The following MICAL3 variants were observed in gnomAD, a reference collection of about 807,000 sequenced individuals.
MICAL3 encodes microtubule associated monooxygenase, calponin and LIM domain containing 3, also known as [F-actin]-monooxygenase MICAL3.
In MICAL3, 62 loss-of-function variants were observed where a neutral mutation model predicts 207.4. That is an observed-to-expected ratio of 0.30 (90% CI 0.24 to 0.37). The LOEUF is 0.37. Among genes scored for constraint, MICAL3 ranks in the 10% least tolerant of loss-of-function variants. MICAL3 has a pLI of 1.00. For missense variants in MICAL3, 2,368 were observed against 2,635.6 expected (o/e 0.90, Z 2.22); for synonymous variants, 1,077 against 1,069.3 (o/e 1.01, Z -0.14).
At chr22:17,800,630 C>A (rs890232139) in intron 29 of MICAL3, among the ~76,000 whole-genome samples, 9 of 152,154 alleles carry the variant, frequency 5.9e-5, no homozygotes, top group Admixed American at 4.6e-4. Context: ...AGGAGTCGGC[C>A]CCTCTGGACA....
intron 19 of MICAL3, among the ~76,000 whole-genome samples, chr22:17,859,951 T>G (rs1323580913): frequency 6.6e-6 from 1 of 152,182 alleles, no homozygotes; most frequent in Non-Finnish European, 1.5e-5. Flanking sequence ...CTCCAGCCCC[T>G]ACACAGGAGT....
intron 19 of MICAL3, chr22:17,862,511 C>T (rs112575747): frequency 1.9e-5 from 16 of 844,234 alleles, no homozygotes; most frequent in African/African-American, 5.5e-5. Context: ...CTGCCCGCCT[C>T]GGCCTCCCAA....
intron 1 of MICAL3, among the ~76,000 whole-genome samples, chr22:17,979,833 G>A (rs886639978): frequency 6.6e-6 from 1 of 151,468 alleles, no homozygotes; most frequent in Non-Finnish European, 1.5e-5. Flanking sequence ...GTTGTTTTTG[G>A]TTTTTTATAA....
At chr22:17,913,242 T>G (rs1473015530) in intron 1 of MICAL3, among the ~76,000 whole-genome samples, 1 of 152,140 alleles carries the variant, frequency 6.6e-6, no homozygotes, top group Non-Finnish European at 1.5e-5. Context: ...TAAATGTCTC[T>G]CTCCTCCATT....
intron 16 of MICAL3, among the ~76,000 whole-genome samples, chr22:17,883,333 T>C (rs1929598396): frequency 1.3e-5 from 2 of 152,234 alleles, no homozygotes; most frequent in South Asian, 4.1e-4. Context: ...ATGTGCTATA[T>C]TATCAAAGAA....
chr22:17,990,897 CT>C (rs1435069243), intron 1 of MICAL3, among the ~76,000 whole-genome samples: 1 of 152,220 alleles, frequency 6.6e-6, no homozygotes, highest in Non-Finnish European at 1.5e-5. Context: ...CCCTTGACCT[CT>C]TTTACTACTG....
chr22:17,828,214 T>C (rs1291055736), intron 21 of MICAL3, among the ~76,000 whole-genome samples: 1 of 152,176 alleles, frequency 6.6e-6, no homozygotes, highest in African/African-American at 2.4e-5. Flanking sequence ...GACCCCAGGA[T>C]GCACTATCCT....
chr22:17,818,069 T>G lies in MICAL3; in HGVS notation c.4592A>C (p.Asp1531Ala). 1 of 1,613,012 alleles carries G rather than the reference T, an allele frequency of 6.2e-7. No individual in the cohort carries two copies. The highest frequency in any genetic ancestry group is 8.5e-7 in the Non-Finnish European group (1 of 1,179,754). ...CAGGCTTGAGTCCTCAGTCTTGTCG[T>G]CATAGGTGTCCTCCACATCATCAGC... ...PFADDVEDTY[D>A]DKTEDSSLQE... Residue 1531 changes from aspartate (D) to alanine (A), a missense_variant, in exon 26 of 32, where the codon GAC (aspartate) becomes GCC (alanine). Asp to Ala is a moderately radical substitution (Grantham distance 126). Transcript: ENST00000441493.
intron 19 of MICAL3, among the ~76,000 whole-genome samples, chr22:17,854,174 T>C (rs1450777608): frequency 6.6e-6 from 1 of 152,114 alleles, no homozygotes; most frequent in African/African-American, 2.4e-5. Flanking sequence ...ATTTTTCCCC[T>C]GGGTCACTTG....
rs1413711391 is a variant in MICAL3 at position 17,902,583 on chromosome 22, C to G, written c.589+48G>C. ...TGCTCCCTCAATCTCATCTTCCTCA[C>G]CCATCAACACCCTCTCACGCCTTCT... On this transcript the variant is annotated intron_variant, in intron 4 of 31. Transcript: ENST00000441493. This position sits in a 1 kb window ranked among gnomAD's most constrained non-coding sequence, Gnocchi z 4.5. 2.6e-6 allele frequency: 3 copies of G among 1,142,962 alleles called. No homozygotes were observed. The East Asian group carries it at 7.7e-5, about 29-fold the overall frequency. 70.8% of individuals were successfully genotyped at this position (1,142,962 alleles called of 1,614,324 possible). A position where few individuals can be genotyped will look rare whatever the true frequency, so the allele number is the denominator to read the frequency against.
At chr22:17,877,513 G>GGGAGATTAT (rs1928916861) in intron 16 of MICAL3, among the ~76,000 whole-genome samples, 1 of 80,882 alleles carries the variant, frequency 1.2e-5, no homozygotes, top group Non-Finnish European at 2.5e-5. Flanking sequence ...ATGGAGGTTA[G>GGGAGATTAT]GGAGGTTAGG....
At position 17,868,778 on chromosome 22, in the gene MICAL3, C is replaced by G. The variant is rs1441716728; in HGVS notation, c.2429-2766G>C. 3.9e-5 allele frequency among the ~76,000 whole-genome samples: 6 copies of G among 152,118 alleles called. No homozygotes were observed. The East Asian group carries it at 1.2e-3, about 29-fold the overall frequency. ...TGGGCCGTTCATTCATTCATTCACC[C>G]AGGCCCGAGTGCCACTGTATGACAG... is the stretch of plus-strand genomic sequence containing the variant. On this transcript the variant is annotated intron_variant, in intron 17 of 31. Transcript: ENST00000441493.
At chr22:17,879,590 C>A (rs536237643) in intron 16 of MICAL3, among the ~76,000 whole-genome samples, 10 of 152,332 alleles carry the variant, frequency 6.6e-5, no homozygotes, top group African/African-American at 2.2e-4. Context: ...CGACTTTCTG[C>A]ACAGCCATTC....
chr22:17,803,936 TATGATATGGAGCAATCA>T (rs1422121226), intron 29 of MICAL3: 7 of 650,362 alleles, frequency 1.1e-5, no homozygotes, highest in Admixed American at 6.3e-5. Context: ...CAATCAATGA[TATGATATGGAGCAATCA>T]ATGATATGGA....
intron 20 of MICAL3, among the ~76,000 whole-genome samples, chr22:17,836,502 G>C (rs932376904): frequency 3.8e-4 from 58 of 152,192 alleles, no homozygotes; most frequent in Non-Finnish European, 8.8e-5. Flanking sequence ...AGTAGCCTCT[G>C]TCAGGGTGGC....
At chr22:17,884,851 G>C (rs183332113) in intron 16 of MICAL3, among the ~76,000 whole-genome samples, 100 of 152,242 alleles carry the variant, frequency 6.6e-4, no homozygotes, top group Middle Eastern at 6.8e-3. Flanking sequence ...GGCGTGCAAA[G>C]ACTAGATGTG....
At chr22:17,943,596 C>A (rs1933911662) in intron 1 of MICAL3, among the ~76,000 whole-genome samples, 1 of 152,332 alleles carries the variant, frequency 6.6e-6, no homozygotes, top group African/African-American at 2.4e-5. Flanking sequence ...ACTCAAGGTG[C>A]CCAAGGCTGC....
At chr22:17,792,348 T>A (rs1246751901) in intron 29 of MICAL3, among the ~76,000 whole-genome samples, 1 of 152,254 alleles carries the variant, frequency 6.6e-6, no homozygotes, top group Non-Finnish European at 1.5e-5. Flanking sequence ...AACCATTTGA[T>A]GCAGAGTTCC....
rs2061840536 is a variant in MICAL3 at position 17,793,046 on chromosome 22, A to C, written c.5651-1745T>G. On this transcript the variant is annotated intron_variant, in intron 29 of 31. Transcript: ENST00000441493. The surrounding 1 kb of genome is among the most constrained non-coding windows in gnomAD (Gnocchi z 4.1). ...GCCCACCTCCCCACGAAGATACAGA[A>C]AATGCCACCGGAGACGTGCGGACAG... 6.6e-6 allele frequency among the ~76,000 whole-genome samples: 1 copy of C among 152,080 alleles called. No homozygotes were observed. Among genetic ancestry groups the C allele is most frequent in the African/African-American group, 2.4e-5 (1 of 41,416 alleles).
Sources: gnomAD v4.1 joint callset for allele counts (sites outside exome capture counted in the v4.1 genomes callset) on GRCh38, gnomAD v4.1.1 for gene constraint, Gnocchi (gnomAD v3.1) non-coding constraint, MANE v1.5 for transcripts, NCBI Gene and HGNC (gene_info 2026-07-23, HGNC 2026-07-21) for gene names.